Variants in MORF4L1 observed in about 807,000 individuals in gnomAD.
MORF4L1 encodes the protein mortality factor 4-like protein 1.
Under a neutral mutation model 52.9 loss-of-function variants are expected in MORF4L1, and 4 were observed. The observed-to-expected ratio is 0.08, with a 90% CI of 0.04 to 0.17. The LOEUF is 0.17. MORF4L1 is among the 10% of genes least tolerant of loss of function. The pLI is 1.00. For missense variants in MORF4L1, 214 were observed against 390.4 expected, an observed-to-expected ratio of 0.55 and a Z score of 3.81; for synonymous variants, 123 against 134.8, an observed-to-expected ratio of 0.91 and a Z score of 0.61.
At chr15:78,887,140 A>C in intron 4 of MORF4L1, 129 bp from the exon 5 acceptor site, 1 of 712,786 alleles carries the variant, frequency 1.4e-6, no homozygotes, top group South Asian at 1.7e-5. Context: ...TTGTGGAAAT[A>C]TCTCTGTCCA....
rs145106867 is a variant in MORF4L1, at chr15:78,893,617, A to G, written c.619A>G (p.Thr207Ala). 3.6e-5 allele frequency: 57 copies of G among 1,577,612 alleles called. No homozygotes were observed. Among genetic ancestry groups the G allele is most frequent in the Non-Finnish European group, 4.6e-5 (53 of 1,150,566 alleles). ...YANYKKSRGN[T>A]DNKEYAVNEV... ...AAATTACAAGAAATCTCGTGGAAACACAGATAATAAGTAAGAATATACATT... is the reference window on the plus strand; with the variant it reads ...AAATTACAAGAAATCTCGTGGAAACGCAGATAATAAGTAAGAATATACATT... The change falls in exon 9 of 12, where the codon ACA becomes GCA. Residue 207 changes from threonine to alanine, a missense_variant. Around this residue, in one of 5 missense-constraint regions of MORF4L1, gnomAD observed 68 missense variants for 171.6 expected, o/e 0.40. Coordinates refer to ENST00000426013, the MANE Select transcript of MORF4L1 (RefSeq NM_006791.4).
chr15:78,892,097 G>C, intron 7 of MORF4L1, 115 bp from the exon 8 acceptor site: 2 of 638,038 alleles, frequency 3.1e-6, no homozygotes. Context: ...CAGTACAGCT[G>C]TATGCTTGGC....
chr15:78,878,283 G>C, intron 2 of MORF4L1, 24 bp downstream of exon 2: 1 of 1,607,344 alleles, frequency 6.2e-7, no homozygotes, highest in East Asian at 2.2e-5. Flanking sequence ...TTTCTTTTGA[G>C]AAGTTGGCCA....
chr15:78,891,297 A>C (rs903204668), intron 6 of MORF4L1, 187 bp from the exon 7 acceptor site: 1 of 655,568 alleles, frequency 1.5e-6, no homozygotes, highest in Admixed American at 3.0e-5. Flanking sequence ...TGTTGTCTAT[A>C]CTAAATGTTC....
In MORF4L1 at chr15:78,897,635, T is replaced by C. The variant is rs981013648; in HGVS notation, c.*568T>C. Reference sequence around the variant, plus strand: ...TTTGTGTCTAATGCACGTTTTAACATGATAGACGCAATGCATTGTGTAGCT... The same window carrying C: ...TTTGTGTCTAATGCACGTTTTAACACGATAGACGCAATGCATTGTGTAGCT... On this transcript the variant is annotated 3_prime_UTR_variant, in exon 12 of 12. Transcript: ENST00000426013. The C allele has an allele frequency of 2.6e-5, 4 of 152,758 alleles. No individual in the cohort carries two copies. The highest frequency in any genetic ancestry group is 9.6e-5 in the African/African-American group (4 of 41,468). 9.5% of individuals were successfully genotyped at this position (152,758 alleles called of 1,614,324 possible).
intron 3 of MORF4L1, among the ~76,000 whole-genome samples, chr15:78,881,021 G>A (rs1365058852): frequency 2.6e-5 from 4 of 151,678 alleles, no homozygotes; most frequent in Non-Finnish European, 5.9e-5. Context: ...AAGGATAAAG[G>A]TTGCTTGATT....
chr15:78,882,112 G>A (rs1024946124), intron 3 of MORF4L1, among the ~76,000 whole-genome samples: 1 of 152,186 alleles, frequency 6.6e-6, no homozygotes, highest in Non-Finnish European at 1.5e-5. Flanking sequence ...ATGCATAGAA[G>A]TGCATCCTGA....
chr15:78,889,851 T>C (rs1477271395), intron 5 of MORF4L1, among the ~76,000 whole-genome samples: 3 of 152,362 alleles, frequency 2.0e-5, no homozygotes, highest in Admixed American at 6.5e-5. Context: ...CCAGGTGTTA[T>C]AGTATCTTTC....
At chr15:78,877,181 C>G (rs558433866) in intron 1 of MORF4L1, among the ~76,000 whole-genome samples, 1 of 134,484 alleles carries the variant, frequency 7.4e-6, no homozygotes, top group Non-Finnish European at 1.5e-5. Context: ...AGTGCGGTGA[C>G]AAGATCTTAG....
intron 11 of MORF4L1, among the ~76,000 whole-genome samples, chr15:78,895,813 C>G (rs975524912): frequency 6.6e-6 from 1 of 152,148 alleles, no homozygotes; most frequent in African/African-American, 2.4e-5. Flanking sequence ...TTTCTCATTA[C>G]AATCGTTTTA....
chr15:78,881,189 C>CTTT lies in MORF4L1; in HGVS notation c.155+627_155+629dup, dbSNP rs570514618. ...AATTTCTCACCCCTAAGAGTTAAGCCTTTTTTTTTTTTTTTTTTTGAGAGA... is the reference window on the plus strand; with the variant it reads ...AATTTCTCACCCCTAAGAGTTAAGCCTTTTTTTTTTTTTTTTTTTTTTGAGAGA... On this transcript the variant is annotated intron_variant, in intron 3 of 11. Transcript: ENST00000426013. 1.5e-3 allele frequency among the ~76,000 whole-genome samples: 99 copies of CTTT among 67,166 alleles called. 3 individuals carry two copies. Among genetic ancestry groups the CTTT allele is most frequent in the African/African-American group, 3.5e-3 (59 of 16,914 alleles). 44.1% of individuals were successfully genotyped at this position (67,166 alleles called of 152,430 possible).
intron 3 of MORF4L1, among the ~76,000 whole-genome samples, chr15:78,882,171 A>G (rs1404224485): frequency 6.6e-6 from 1 of 152,154 alleles, no homozygotes; most frequent in African/African-American, 2.4e-5. Flanking sequence ...AAGTATTTCT[A>G]ATCAGTGAGG....
intron 1 of MORF4L1, 118 bp from the exon 2 acceptor site, chr15:78,878,095 C>T: frequency 1.0e-6 from 1 of 961,176 alleles, no homozygotes; most frequent in Non-Finnish European, 1.5e-6. Context: ...GTATACCCGT[C>T]CTCATTTTTC....
At chr15:78,879,202 C>T (rs1178840113) in intron 2 of MORF4L1, among the ~76,000 whole-genome samples, 1 of 152,114 alleles carries the variant, frequency 6.6e-6, no homozygotes, top group African/African-American at 2.4e-5. Context: ...GAGACTCTCT[C>T]TCTCTTTATT....
At chr15:78,889,713 C>G (rs1333774634) in intron 5 of MORF4L1, among the ~76,000 whole-genome samples, 2 of 152,056 alleles carry the variant, frequency 1.3e-5, no homozygotes, top group Non-Finnish European at 2.9e-5. Flanking sequence ...AACCTATACA[C>G]AGATTTTTGT....
Position 78,873,776 on chromosome 15 carries a change from C to T in MORF4L1, c.40+719C>T, listed in dbSNP as rs564213686. The stretch of plus-strand genomic sequence containing the variant: ...AAAGTGAGATGAGCGTTTTCCTCCG[C>T]TTTGTGTTGCCTGGAGGCATCACTC... On this transcript the variant is annotated intron_variant, in intron 1 of 11. Coordinates refer to ENST00000426013, the MANE Select transcript of MORF4L1 (RefSeq NM_006791.4). 57 of 152,836 alleles carry T rather than the reference C, an allele frequency of 3.7e-4. 2 individuals carry two copies. The South Asian group carries it at 0.011, about 29-fold the overall frequency. 9.5% of individuals were successfully genotyped at this position (152,836 alleles called of 1,614,324 possible).
intron 7 of MORF4L1, 25 bp from the exon 8 acceptor site, chr15:78,892,187 T>C: frequency 6.4e-7 from 1 of 1,551,272 alleles, no homozygotes. Flanking sequence ...GTTAGGTTTT[T>C]AATACTCCTC....
Position 78,873,241 on chromosome 15 carries a change from T to C in MORF4L1, c.40+184T>C, listed in dbSNP as rs993351825. On this transcript the variant is annotated intron_variant, in intron 1 of 11. Transcript: ENST00000426013. ...CCGGTGCGTCATTGTGAGAAAGCGC[T>C]TTGTGAAGCGAGAGTGCTGCGCAGG... 4.6e-6 allele frequency: 7 copies of C among 1,507,028 alleles called. No homozygotes were observed. In the Admixed American group the frequency reaches 1.9e-4, roughly 40 times the overall value. The allele number at this position is 1,507,028 out of a possible 1,614,324, so 93.4% of individuals were successfully genotyped here. A position where few individuals can be genotyped will look rare whatever the true frequency, so the allele number is the denominator to read the frequency against.
At chr15:78,884,249 C>T (rs1196811096) in intron 3 of MORF4L1, among the ~76,000 whole-genome samples, 2 of 151,404 alleles carry the variant, frequency 1.3e-5, no homozygotes, top group African/African-American at 2.4e-5. Context: ...CGCGATGGCT[C>T]ATGCCTGTAA....
Sources: gnomAD v4.1 joint callset for allele counts (sites outside exome capture counted in the v4.1 genomes callset) on GRCh38, gnomAD v4.1.1 for gene constraint, gnomAD v4.1.1 regional missense constraint, MANE v1.5 for transcripts, NCBI Gene and HGNC (gene_info 2026-07-23, HGNC 2026-07-21) for gene names.